UST: variants seen among roughly 807,000 people sequenced by gnomAD.
UST encodes the protein uronyl 2-sulfotransferase, also known as chondroitin sulfate 2-O-sulfotransferase.
A neutral mutation model predicts 45.6 loss-of-function variants in UST; 21 were observed. The observed-to-expected ratio is 0.46, with a 90% CI of 0.33 to 0.66. The LOEUF is 0.66. Among genes scored for constraint, UST ranks in the 30% least tolerant of loss-of-function variants. The pLI, the probability that UST is intolerant of heterozygous loss-of-function variation, is 0.02. For synonymous variants in UST, 215 were observed against 200.6 expected, an observed-to-expected ratio of 1.07 and a Z score of -0.61; for missense variants, 463 against 512.4, an observed-to-expected ratio of 0.90 and a Z score of 0.93.
At chr6:148,977,709 G>A (rs1466316533) in intron 5 of UST, among the ~76,000 whole-genome samples, 3 of 143,522 alleles carry the variant, frequency 2.1e-5, no homozygotes, top group Non-Finnish European at 4.5e-5. Flanking sequence ...CCAAGATCGC[G>A]CCACTGTACT....
chr6:148,863,643 C>T (rs1340294245), intron 1 of UST, among the ~76,000 whole-genome samples: 2 of 152,130 alleles, frequency 1.3e-5, no homozygotes, highest in Non-Finnish European at 2.9e-5. Context: ...GTTTTATCTA[C>T]CTTTGGTCTT....
chr6:148,793,249 A>G (rs1776885032), intron 1 of UST, among the ~76,000 whole-genome samples: 1 of 151,636 alleles, frequency 6.6e-6, no homozygotes, highest in Non-Finnish European at 1.5e-5. Context: ...TATATTCTAC[A>G]TTGAATAGGA....
intron 1 of UST, among the ~76,000 whole-genome samples, chr6:148,762,880 A>G (rs1157242772): frequency 2.6e-5 from 4 of 152,182 alleles, no homozygotes; most frequent in Non-Finnish European, 5.9e-5. Flanking sequence ...TATATAGACC[A>G]CATTTTCTTT....
chr6:148,903,774 A>T (rs1779306032), intron 2 of UST, among the ~76,000 whole-genome samples: 1 of 152,194 alleles, frequency 6.6e-6, no homozygotes, highest in Admixed American at 6.5e-5. Context: ...GAACCACAGG[A>T]CTATCTACTA....
At chr6:148,845,751 G>C (rs1232139117) in intron 1 of UST, among the ~76,000 whole-genome samples, 2 of 152,208 alleles carry the variant, frequency 1.3e-5, no homozygotes, top group African/African-American at 4.8e-5. Flanking sequence ...CAATGTGTGA[G>C]TGTTCTAATT....
chr6:148,767,110 G>A (rs1386351851), intron 1 of UST, among the ~76,000 whole-genome samples: 2 of 152,170 alleles, frequency 1.3e-5, no homozygotes, highest in African/African-American at 2.4e-5. Flanking sequence ...CAGTTGGAGG[G>A]CCACATTTTG....
At chr6:148,983,883 C>T (rs886921573) in intron 5 of UST, among the ~76,000 whole-genome samples, 1 of 152,190 alleles carries the variant, frequency 6.6e-6, no homozygotes, top group African/African-American at 2.4e-5. Context: ...GAGACCCTAT[C>T]ACCACCACCC....
At chr6:148,798,142 C>T (rs532467926) in intron 1 of UST, among the ~76,000 whole-genome samples, 15 of 152,176 alleles carry the variant, frequency 9.9e-5, no homozygotes, top group Non-Finnish European at 2.1e-4. Flanking sequence ...GAGCCTGCAC[C>T]GAGCAGGCAC....
In UST at chr6:148,900,257, C is replaced by T. The variant is rs371503432; in HGVS notation, c.291+13228C>T. Among the ~76,000 whole-genome samples the T allele has an allele frequency of 2.5e-3, 382 of 152,242 alleles. 3 individuals are homozygous for T. Among genetic ancestry groups the T allele is most frequent in the African/African-American group, 8.8e-3 (364 of 41,540 alleles). ...CATCAGAACGGCTTGCTCGCTCAAC[C>T]TCATGCTCAGGTGTGTCTTGGGATC... is the stretch of plus-strand genomic sequence containing the variant. On this transcript the variant is annotated intron_variant, in intron 2 of 7. Transcript: ENST00000367463.
At chr6:149,046,211 T>G (rs1294739509) in intron 7 of UST, among the ~76,000 whole-genome samples, 3 of 152,242 alleles carry the variant, frequency 2.0e-5, no homozygotes, top group African/African-American at 7.2e-5. Flanking sequence ...ATGGCTTCAG[T>G]CCTATCCTGG....
chr6:149,030,659 A>AT (rs138022998), intron 7 of UST, among the ~76,000 whole-genome samples: 2,459 of 149,494 alleles, frequency 0.016, 72 homozygotes, highest in African/African-American at 0.056. Context: ...CTCTATAAAG[A>AT]TTTTTTTTTT....
chr6:148,950,368 G>A (rs1253668268), intron 3 of UST, among the ~76,000 whole-genome samples: 1 of 152,176 alleles, frequency 6.6e-6, no homozygotes, highest in Non-Finnish European at 1.5e-5. Context: ...TCCTGGCTGT[G>A]CTTCTGTATC....
intron 1 of UST, among the ~76,000 whole-genome samples, chr6:148,872,792 C>G (rs150958115): frequency 1.3e-3 from 192 of 152,192 alleles, no homozygotes; most frequent in Non-Finnish European, 2.2e-3. Flanking sequence ...GCCCCTTCCT[C>G]CATCTGCAAA....
At chr6:148,936,688 TTTTG>T (rs1270853236) in intron 2 of UST, among the ~76,000 whole-genome samples, 1 of 151,648 alleles carries the variant, frequency 6.6e-6, no homozygotes, top group African/African-American at 2.4e-5. Flanking sequence ...CTTATTTTCT[TTTTG>T]TTTATTTATT....
intron 5 of UST, chr6:149,005,599 C>G: frequency 1.0e-6 from 1 of 985,410 alleles, no homozygotes; most frequent in Non-Finnish European, 1.2e-6. Context: ...AGGTTAGTCC[C>G]TTCCTTCTTC....
At chr6:149,073,021 A>G (rs1251906512) in intron 7 of UST, among the ~76,000 whole-genome samples, 3 of 152,258 alleles carry the variant, frequency 2.0e-5, no homozygotes, top group East Asian at 3.8e-4. Context: ...TACACTCTAT[A>G]TATAACATTT....
chr6:149,007,702 G>T (rs1290000649), intron 5 of UST, among the ~76,000 whole-genome samples: 1 of 151,942 alleles, frequency 6.6e-6, no homozygotes, highest in African/African-American at 2.4e-5. Context: ...GGGATTACAG[G>T]CGTGAGCCAC....
chr6:149,075,904 C>T lies in UST; in HGVS notation c.*1788C>T, dbSNP rs1297196366. 1 of 152,542 alleles carries T rather than the reference C, an allele frequency of 6.6e-6. No individual in the cohort carries two copies. The highest frequency in any genetic ancestry group is 1.5e-5 in the Non-Finnish European group (1 of 68,020). The allele number at this position is 152,542 out of a possible 1,614,324, so 9.4% of individuals were successfully genotyped here. A position where few individuals can be genotyped will look rare whatever the true frequency, so the allele number is the denominator to read the frequency against. ...AAAGTCTCTCTAGAATTTTTTCTGC[C>T]TTCACTAAAATTGGACTGTAGCCAA... On this transcript the variant is annotated 3_prime_UTR_variant, in exon 8 of 8. Transcript: ENST00000367463.
intron 5 of UST, among the ~76,000 whole-genome samples, chr6:149,015,156 C>T (rs1431905204): frequency 6.6e-6 from 1 of 152,126 alleles, no homozygotes; most frequent in Non-Finnish European, 1.5e-5. Context: ...CCATCACCAT[C>T]CATCTGGTGG....
Sources: allele counts gnomAD v4.1 joint callset (sites outside exome capture counted in the v4.1 genomes callset), GRCh38; gene constraint gnomAD v4.1.1; transcripts MANE v1.5; gene names NCBI Gene and HGNC (gene_info 2026-07-23, HGNC 2026-07-21).